Variants in MLXIP observed in about 807,000 individuals in gnomAD.
MLXIP encodes the protein MLX interacting protein.
Under a neutral mutation model 87.2 loss-of-function variants are expected in MLXIP, and 30 were observed. The observed-to-expected ratio is 0.34, with a 90% confidence interval of 0.26 to 0.47. The LOEUF (loss-of-function observed/expected upper bound fraction) is 0.47, where lower values mean the gene tolerates loss of function less well. Ranked by LOEUF, MLXIP falls within the 20% of genes least tolerant of loss-of-function variation. The pLI is 1.00. For synonymous variants in MLXIP, 530 were observed against 514.0 expected (o/e 1.03, Z -0.42); for missense variants, 1,002 against 1,240.1 (o/e 0.81, Z 2.88).
In MLXIP at chr12:122,132,380, A is replaced by T. The variant is rs780431283; in HGVS notation, c.1089A>T (p.Ala363=). 3.1e-6 allele frequency: 5 copies of T among 1,610,028 alleles called. No homozygotes were observed. The highest frequency in any genetic ancestry group is 2.5e-6 in the Non-Finnish European group (3 of 1,177,698). The part of the protein sequence containing the change: ...APVPDPNNPP[A]QESILPTTAL... ...TACCAGATCCCAACAACCCACCTGC[A>T]CAGGTAGAGGAAGCTGGGGGATGGG... Residue 363 remains alanine (A), a synonymous_variant, in exon 8 of 17, where the codon GCA becomes GCT. Coordinates refer to ENST00000319080, the MANE Select transcript of MLXIP (RefSeq NM_014938.6).
intron 14 of MLXIP, 93 bp from the exon 15 acceptor site, chr12:122,138,722 G>C (rs563833654): frequency 1.3e-6 from 2 of 1,528,498 alleles, no homozygotes; most frequent in East Asian, 4.7e-5. Flanking sequence ...GCCTGGCTGT[G>C]GCCCGGCACT....
At chr12:122,097,716 G>C (rs1479140494) in intron 1 of MLXIP, among the ~76,000 whole-genome samples, 1 of 152,092 alleles carries the variant, frequency 6.6e-6, no homozygotes, top group Non-Finnish European at 1.5e-5. Context: ...TGTTCTTGCT[G>C]AGAGTTCCTT....
intron 16 of MLXIP, among the ~76,000 whole-genome samples, chr12:122,141,355 G>A (rs1156860737): frequency 6.6e-6 from 1 of 152,232 alleles, no homozygotes; most frequent in East Asian, 1.9e-4. Flanking sequence ...CTTCAGGTGT[G>A]TTTTCTTGTT....
intron 1 of MLXIP, among the ~76,000 whole-genome samples, chr12:122,109,257 C>T (rs909900548): frequency 1.5e-4 from 23 of 151,824 alleles, no homozygotes; most frequent in African/African-American, 5.6e-4. Flanking sequence ...TTAGTAGTGA[C>T]GGGGTTGCAC....
intron 1 of MLXIP, among the ~76,000 whole-genome samples, chr12:122,119,657 C>T (rs1011313941): frequency 6.6e-6 from 1 of 152,216 alleles, no homozygotes; most frequent in Non-Finnish European, 1.5e-5. Flanking sequence ...TCCCAAAGTG[C>T]TGGGATTACA....
chr12:122,092,980 ATGTGTTGTG>A (rs1335689003), intron 1 of MLXIP, among the ~76,000 whole-genome samples: 4 of 114,886 alleles, frequency 3.5e-5, no homozygotes, highest in African/African-American at 7.0e-5. Context: ...GTGGGTATGT[ATGTGTTGTG>A]TGTGTTGTGT....
At chr12:122,084,320 C>A (rs1952135203) in intron 1 of MLXIP, among the ~76,000 whole-genome samples, 1 of 152,178 alleles carries the variant, frequency 6.6e-6, no homozygotes, top group South Asian at 2.1e-4. Context: ...GTGCTCCCCG[C>A]TTTAGCGGTG....
chr12:122,082,256 T>C (rs951692277), intron 1 of MLXIP, among the ~76,000 whole-genome samples: 2 of 152,264 alleles, frequency 1.3e-5, no homozygotes, highest in Non-Finnish European at 2.9e-5. Context: ...TGAGAAGCCC[T>C]GTGGCGAAGG....
chr12:122,102,852 C>T (rs975902557), intron 1 of MLXIP, among the ~76,000 whole-genome samples: 3 of 152,124 alleles, frequency 2.0e-5, no homozygotes, highest in Admixed American at 6.6e-5. Context: ...AAATATGAAA[C>T]GTCCAGAATA....
chr12:122,096,510 C>A (rs556738052), intron 1 of MLXIP, among the ~76,000 whole-genome samples: 6 of 152,306 alleles, frequency 3.9e-5, no homozygotes, highest in African/African-American at 1.4e-4. Flanking sequence ...ATTCTTATCA[C>A]CACTTTAGGC....
intron 1 of MLXIP, among the ~76,000 whole-genome samples, chr12:122,121,091 C>T (rs530908103): frequency 2.1e-5 from 3 of 143,784 alleles, no homozygotes; most frequent in Non-Finnish European, 4.5e-5. Context: ...CTCACTGCAA[C>T]CTCCGCCTCC....
intron 7 of MLXIP, among the ~76,000 whole-genome samples, chr12:122,131,693 T>C (rs11061610): frequency 0.28 from 42,350 of 151,708 alleles, 6,335 homozygotes; most frequent in Admixed American, 0.36. Flanking sequence ...CCCAAAGTGC[T>C]GGGATTACAG....
intron 1 of MLXIP, among the ~76,000 whole-genome samples, chr12:122,122,612 G>A (rs1442629046): frequency 2.8e-4 from 43 of 151,966 alleles, no homozygotes; most frequent in African/African-American, 9.4e-4. Context: ...TGCGATCTCG[G>A]CTCACTGTAC....
intron 1 of MLXIP, among the ~76,000 whole-genome samples, chr12:122,117,535 C>A (rs1952711240): frequency 6.6e-6 from 1 of 152,244 alleles, no homozygotes; most frequent in African/African-American, 2.4e-5. Context: ...ATTGAAACCA[C>A]CTAATAACCG....
Position 122,135,771 on chromosome 12 carries a change from CT to C in MLXIP, c.2032+107del. The C allele has an allele frequency of 7.6e-7, 1 of 1,312,244 alleles. No homozygotes were observed. Among genetic ancestry groups the C allele is most frequent in the Non-Finnish European group, 1.0e-6 (1 of 991,864 alleles). 81.3% of individuals were successfully genotyped at this position (1,312,244 alleles called of 1,614,324 possible). ...CTGGGTCCCCAGGACGGAGCCTGGGCTTAGGACACACAGTGAGGTCTTGTAG... is the reference window on the plus strand; with the variant it reads ...CTGGGTCCCCAGGACGGAGCCTGGGCTAGGACACACAGTGAGGTCTTGTAG... On this transcript the variant is annotated intron_variant, in intron 11 of 16. Transcript: ENST00000319080. The surrounding 1 kb of genome is among the most constrained non-coding windows in gnomAD (Gnocchi z 5.3).
rs1467924003 is a variant in MLXIP, at chr12:122,141,722, C to T, written c.2670C>T (p.Thr890=). 1.1e-5 allele frequency: 18 copies of T among 1,613,890 alleles called. No homozygotes were observed. Among genetic ancestry groups the T allele is most frequent in the Non-Finnish European group, 1.5e-5 (18 of 1,179,870 alleles). Residue 890 remains threonine, a synonymous_variant, in exon 17 of 17, where the codon ACC becomes ACT. Coordinates refer to ENST00000319080, the MANE Select transcript of MLXIP (RefSeq NM_014938.6). The stretch of plus-strand genomic sequence containing the variant: ...TGAGCACGCTGCGGCAGCTGAGCAC[C>T]TCCACCTCCATCCTCACAGACCCGG... ...MVLSTLRQLS[T]STSILTDPAQ...
chr12:122,113,748 G>T (rs943721377), intron 1 of MLXIP, among the ~76,000 whole-genome samples: 1 of 129,868 alleles, frequency 7.7e-6, no homozygotes, highest in African/African-American at 3.0e-5. Context: ...ACAGTGGTAC[G>T]ATCTCAGCTC....
chr12:122,113,927 C>T (rs543033934), intron 1 of MLXIP, among the ~76,000 whole-genome samples: 167 of 151,216 alleles, frequency 1.1e-3, no homozygotes, highest in African/African-American at 4.0e-3. Flanking sequence ...CCTCGTGATC[C>T]GCCCGCCTCG....
At chr12:122,122,642 C>T (rs1333927334) in intron 1 of MLXIP, among the ~76,000 whole-genome samples, 1 of 151,906 alleles carries the variant, frequency 6.6e-6, no homozygotes, top group Non-Finnish European at 1.5e-5. Context: ...CCCAGGTTCA[C>T]GCCATTCTCC....
Sources: gnomAD v4.1 joint callset for allele counts (sites outside exome capture counted in the v4.1 genomes callset) on GRCh38, gnomAD v4.1.1 for gene constraint, Gnocchi (gnomAD v3.1) non-coding constraint, MANE v1.5 for transcripts, NCBI Gene and HGNC (gene_info 2026-07-23, HGNC 2026-07-21) for gene names.